ADAMTS12: variants seen among roughly 807,000 people sequenced by gnomAD.
The protein encoded by ADAMTS12 is ADAM metallopeptidase with thrombospondin type 1 motif 12, also known as A disintegrin and metalloproteinase with thrombospondin motifs 12.
Under a neutral mutation model 167.8 loss-of-function variants are expected in ADAMTS12, and 118 were observed. The observed-to-expected ratio is 0.70, with a 90% confidence interval of 0.61 to 0.82. The LOEUF (loss-of-function observed/expected upper bound fraction) is 0.82. ADAMTS12 is among the 40% of genes least tolerant of loss of function. The pLI, the probability that ADAMTS12 is intolerant of heterozygous loss-of-function variation, is 0.00. For synonymous variants in ADAMTS12, 704 were observed against 716.9 expected, an observed-to-expected ratio of 0.98 and a Z score of 0.29; for missense variants, 1,916 against 1,998.8, an observed-to-expected ratio of 0.96 and a Z score of 0.79.
intron 2 of ADAMTS12, among the ~76,000 whole-genome samples, chr5:33,781,228 G>A (rs531833895): frequency 2.7e-4 from 41 of 151,802 alleles, no homozygotes; most frequent in Middle Eastern, 6.8e-3. Flanking sequence ...CTGTGCATGT[G>A]TATAATACAG....
chr5:33,870,494 C>G (rs1242567280), intron 2 of ADAMTS12, among the ~76,000 whole-genome samples: 1 of 152,104 alleles, frequency 6.6e-6, no homozygotes, highest in Non-Finnish European at 1.5e-5. Flanking sequence ...GTTTGGGGTC[C>G]CTGACTTCCC....
chr5:33,820,249 G>A (rs1458455789), intron 2 of ADAMTS12, among the ~76,000 whole-genome samples: 1 of 152,156 alleles, frequency 6.6e-6, no homozygotes, highest in Non-Finnish European at 1.5e-5. Flanking sequence ...CTAGGATTTT[G>A]CTCTTTGCAG....
chr5:33,887,770 G>A (rs1392642297), intron 1 of ADAMTS12, among the ~76,000 whole-genome samples: 3 of 141,046 alleles, frequency 2.1e-5, no homozygotes, highest in Admixed American at 2.1e-4. Flanking sequence ...TTTTTTTTTT[G>A]AGACAGAGTC....
intron 3 of ADAMTS12, among the ~76,000 whole-genome samples, chr5:33,699,827 C>G (rs1742936960): frequency 6.6e-6 from 1 of 152,058 alleles, no homozygotes; most frequent in South Asian, 2.1e-4. Flanking sequence ...TAACAAAGGA[C>G]TAGTATCAAG....
intron 2 of ADAMTS12, among the ~76,000 whole-genome samples, chr5:33,871,957 A>G (rs1294269804): frequency 6.6e-6 from 1 of 152,222 alleles, no homozygotes; most frequent in Non-Finnish European, 1.5e-5. Flanking sequence ...TTGGTAACCT[A>G]GATGAAATGA....
chr5:33,764,263 G>T (rs1388404754), intron 2 of ADAMTS12, among the ~76,000 whole-genome samples: 1 of 152,194 alleles, frequency 6.6e-6, no homozygotes, highest in Non-Finnish European at 1.5e-5. Flanking sequence ...TGAAAAATCT[G>T]AGTCCTTATA....
In ADAMTS12 at chr5:33,639,168, T is replaced by A. The variant is rs4076175; in HGVS notation, c.1719-1422A>T. ...TGAGACAATGCACACACAGATTTAGTAGAGTAACTAACACAGAATGAGAGA... is the reference window on the plus strand; with the variant it reads ...TGAGACAATGCACACACAGATTTAGAAGAGTAACTAACACAGAATGAGAGA... On this transcript the variant is annotated intron_variant, in intron 11 of 23. Coordinates refer to ENST00000504830, the MANE Select transcript of ADAMTS12 (RefSeq NM_030955.4). 4.5e-3 allele frequency among the ~76,000 whole-genome samples: 686 copies of A among 152,318 alleles called. 5 individuals carry two copies. Among genetic ancestry groups the A allele is most frequent in the Admixed American group, 7.3e-3 (112 of 15,288 alleles).
chr5:33,609,180 T>G (rs1479089360), intron 16 of ADAMTS12, among the ~76,000 whole-genome samples: 2 of 152,134 alleles, frequency 1.3e-5, no homozygotes, highest in African/African-American at 4.8e-5. Flanking sequence ...GGATTCCTAC[T>G]TTACACCTCA....
At chr5:33,640,560 C>T (rs10074763) in intron 11 of ADAMTS12, among the ~76,000 whole-genome samples, 86,146 of 152,010 alleles carry the variant, frequency 0.57, 25,024 homozygotes, top group East Asian at 0.67. Flanking sequence ...TCTCTAAAAA[C>T]AAAATACTCT....
intron 3 of ADAMTS12, among the ~76,000 whole-genome samples, chr5:33,705,901 A>G (rs1381755960): frequency 6.6e-6 from 1 of 152,150 alleles, no homozygotes; most frequent in African/African-American, 2.4e-5. Flanking sequence ...AAAATATAAC[A>G]TATCTAGAAA....
At chr5:33,598,656 G>A (rs1320965747) in intron 16 of ADAMTS12, among the ~76,000 whole-genome samples, 1 of 152,180 alleles carries the variant, frequency 6.6e-6, no homozygotes, top group African/African-American at 2.4e-5. Flanking sequence ...TAATTTTATG[G>A]TTAACCTAGA....
At chr5:33,680,807 G>C (rs1467479391) in intron 5 of ADAMTS12, among the ~76,000 whole-genome samples, 2 of 152,164 alleles carry the variant, frequency 1.3e-5, no homozygotes, top group Non-Finnish European at 2.9e-5. Context: ...TAGCCAGTGT[G>C]GGAGAACTGC....
intron 16 of ADAMTS12, among the ~76,000 whole-genome samples, chr5:33,597,144 G>T (rs1488184597): frequency 6.6e-6 from 1 of 152,154 alleles, no homozygotes; most frequent in Non-Finnish European, 1.5e-5. Flanking sequence ...AGTCACAAAG[G>T]TTGAGAAAGG....
intron 6 of ADAMTS12, 56 bp downstream of exon 6, chr5:33,661,860 A>G (rs1368535250): frequency 3.7e-6 from 6 of 1,606,994 alleles, no homozygotes; most frequent in Non-Finnish European, 5.1e-6. Context: ...TAAGCCTTTC[A>G]CCTGCCATCC....
At chr5:33,840,909 A>C (rs1561301501) in intron 2 of ADAMTS12, among the ~76,000 whole-genome samples, 1 of 152,200 alleles carries the variant, frequency 6.6e-6, no homozygotes, top group Non-Finnish European at 1.5e-5. Flanking sequence ...TGCTAAACCA[A>C]ATCAAACTCA....
At chr5:33,798,519 C>T (rs1202628090) in intron 2 of ADAMTS12, among the ~76,000 whole-genome samples, 1 of 142,914 alleles carries the variant, frequency 7.0e-6, no homozygotes, top group Non-Finnish European at 1.5e-5. Context: ...CGGCTCACTG[C>T]AATCTCCGCC....
intron 20 of ADAMTS12, among the ~76,000 whole-genome samples, chr5:33,550,381 C>T (rs912697656): frequency 6.6e-6 from 1 of 152,178 alleles, no homozygotes; most frequent in Non-Finnish European, 1.5e-5. Flanking sequence ...GCTTATCTTC[C>T]CTCTGCAGCC....
At chr5:33,743,203 A>G (rs1464297449) in intron 3 of ADAMTS12, among the ~76,000 whole-genome samples, 5 of 152,188 alleles carry the variant, frequency 3.3e-5, no homozygotes, top group African/African-American at 4.8e-5. Flanking sequence ...GAGGTGGATG[A>G]TAACAAGGGG....
rs1364892576 is a variant in ADAMTS12, at chr5:33,790,921, G to A, written c.490-39373C>T. 2.6e-5 allele frequency among the ~76,000 whole-genome samples: 4 copies of A among 152,008 alleles called. No homozygotes were observed. In the East Asian group the frequency reaches 7.7e-4, roughly 29 times the overall value. On this transcript the variant is annotated intron_variant, in intron 2 of 23. Transcript: ENST00000504830. ...GTTCTTCCTGTTGCATCCCACAGGAGAAACCCCTAATGTCTGGTTCTTGCA... is the reference window on the plus strand; with the variant it reads ...GTTCTTCCTGTTGCATCCCACAGGAAAAACCCCTAATGTCTGGTTCTTGCA...
Sources: allele counts gnomAD v4.1 joint callset (sites outside exome capture counted in the v4.1 genomes callset), GRCh38; gene constraint gnomAD v4.1.1; transcripts MANE v1.5; gene names NCBI Gene and HGNC (gene_info 2026-07-23, HGNC 2026-07-21).